SLC22A16: variants seen among roughly 807,000 people sequenced by gnomAD.
The protein encoded by SLC22A16 is WUGSC:RG331P03.1.
A neutral mutation model predicts 52.9 loss-of-function variants in SLC22A16; 53 were observed. The observed-to-expected ratio is 1.00, with a 90% CI of 0.80 to 1.26. The LOEUF (loss-of-function observed/expected upper bound fraction) is 1.26, where lower values mean the gene tolerates loss of function less well. Among genes scored for constraint, SLC22A16 ranks in the 50% most tolerant of loss-of-function variants. The probability of loss-of-function intolerance (pLI) is 0.00; values close to 1 mark genes in which losing one functional copy is unlikely to be tolerated. For missense variants in SLC22A16, 726 were observed against 704.0 expected, an observed-to-expected ratio of 1.03 and a Z score of -0.35; for synonymous variants, 291 against 268.8, an observed-to-expected ratio of 1.08 and a Z score of -0.81.
chr6:110,476,346 G>A (rs1195149811), intron 1 of SLC22A16, 176 bp downstream of exon 1: 1 of 1,386,174 alleles, frequency 7.2e-7, no homozygotes, highest in South Asian at 1.7e-5. Flanking sequence ...GAGGCCTAGA[G>A]GAGAAGCCCA....
intron 1 of SLC22A16, among the ~76,000 whole-genome samples, chr6:110,473,772 G>A (rs1336939042): frequency 6.6e-6 from 1 of 151,790 alleles, no homozygotes; most frequent in Non-Finnish European, 1.5e-5. Flanking sequence ...TGATCTGCCT[G>A]CCTCAGCCTC....
chr6:110,449,625 T>C (rs1445389017), intron 2 of SLC22A16, among the ~76,000 whole-genome samples: 3 of 152,212 alleles, frequency 2.0e-5, no homozygotes, highest in African/African-American at 7.2e-5. Flanking sequence ...TGGTATTTCC[T>C]GAATTGGTTA....
At chr6:110,444,818 A>G (rs574751135) in intron 3 of SLC22A16, among the ~76,000 whole-genome samples, 1 of 152,352 alleles carries the variant, frequency 6.6e-6, no homozygotes, top group East Asian at 1.9e-4. Context: ...CTAACAATCC[A>G]GAAGTCGCTT....
chr6:110,440,412 G>C (rs150466745), intron 4 of SLC22A16: 5,287 of 152,552 alleles, frequency 0.035, 141 homozygotes, highest in South Asian at 0.11. Flanking sequence ...AGCAAGGAGA[G>C]AAGGCAGAAA....
chr6:110,434,078 T>TA (rs1774617506), intron 6 of SLC22A16, among the ~76,000 whole-genome samples: 1 of 151,740 alleles, frequency 6.6e-6, no homozygotes, highest in Non-Finnish European at 1.5e-5. Flanking sequence ...CTGTCTCTAC[T>TA]AAAATACAAA....
At chr6:110,475,870 C>T (rs1048641182) in intron 1 of SLC22A16, 2 of 455,318 alleles carry the variant, frequency 4.4e-6, no homozygotes, top group African/African-American at 4.0e-5. Context: ...CGTGGTTCCA[C>T]CATGCGTTGG....
chr6:110,441,227 C>T (rs748353791), intron 4 of SLC22A16, among the ~76,000 whole-genome samples: 2 of 152,184 alleles, frequency 1.3e-5, no homozygotes, highest in Non-Finnish European at 2.9e-5. Context: ...GAAGCAATAG[C>T]CAATACCATA....
chr6:110,430,886 C>T (rs973227054), intron 7 of SLC22A16, among the ~76,000 whole-genome samples: 1 of 152,224 alleles, frequency 6.6e-6, no homozygotes, highest in Non-Finnish European at 1.5e-5. Context: ...AGAGCTCTCC[C>T]TTCCCCAGGC....
At chr6:110,442,876 C>A in intron 3 of SLC22A16, 101 bp from the exon 4 acceptor site, 1 of 1,057,202 alleles carries the variant, frequency 9.5e-7, no homozygotes, top group Non-Finnish European at 1.4e-6. Context: ...AAGAAAATGA[C>A]AAAGACTTGC....
chr6:110,433,463 T>C (rs1182250925), intron 6 of SLC22A16, among the ~76,000 whole-genome samples: 1 of 152,192 alleles, frequency 6.6e-6, no homozygotes, highest in East Asian at 1.9e-4. Context: ...TCTTGACTAA[T>C]GGATTTTCTA....
chr6:110,471,328 T>C (rs981701438), intron 1 of SLC22A16, among the ~76,000 whole-genome samples: 47 of 152,134 alleles, frequency 3.1e-4, no homozygotes, highest in Non-Finnish European at 3.2e-4. Context: ...CATCTAGGCT[T>C]GTGTAAATAA....
intron 2 of SLC22A16, among the ~76,000 whole-genome samples, chr6:110,447,233 C>T (rs998729308): frequency 1.3e-5 from 2 of 152,062 alleles, no homozygotes; most frequent in Non-Finnish European, 2.9e-5. Flanking sequence ...CTGAGTCATC[C>T]CCGCAGGACC....
intron 1 of SLC22A16, among the ~76,000 whole-genome samples, chr6:110,473,254 T>C (rs13218616): frequency 1.1e-3 from 172 of 152,202 alleles, no homozygotes; most frequent in African/African-American, 4.0e-3. Flanking sequence ...TATCCATTGA[T>C]GAAGGTCTGC....
At chr6:110,466,922 TA>T (rs1453824413) in intron 1 of SLC22A16, among the ~76,000 whole-genome samples, 1 of 141,216 alleles carries the variant, frequency 7.1e-6, no homozygotes, top group African/African-American at 2.9e-5. Context: ...GATAGATAGA[TA>T]GATAGATAGA....
At chr6:110,452,181 G>A (rs534543247) in intron 2 of SLC22A16, among the ~76,000 whole-genome samples, 21 of 152,130 alleles carry the variant, frequency 1.4e-4, no homozygotes, top group Non-Finnish European at 2.8e-4. Context: ...TCTCCACAGA[G>A]GGCCTTCTTC....
At chr6:110,432,276 C>T (rs1774535902) in intron 6 of SLC22A16, among the ~76,000 whole-genome samples, 2 of 152,076 alleles carry the variant, frequency 1.3e-5, no homozygotes, top group South Asian at 2.1e-4. Context: ...TTAAAGATTT[C>T]CTGTATTAAA....
At chr6:110,427,269 A>AG (rs57084143) in intron 7 of SLC22A16, among the ~76,000 whole-genome samples, 40 of 145,404 alleles carry the variant, frequency 2.8e-4, no homozygotes, top group African/African-American at 7.0e-4. Flanking sequence ...AAAAAAGAAA[A>AG]AAAAGAAAGA....
intron 5 of SLC22A16, among the ~76,000 whole-genome samples, chr6:110,437,416 T>C (rs1774778209): frequency 6.6e-6 from 1 of 152,202 alleles, no homozygotes; most frequent in African/African-American, 2.4e-5. Context: ...AAGGTGTGGA[T>C]GAAGTTCTCT....
intron 1 of SLC22A16, among the ~76,000 whole-genome samples, chr6:110,459,746 T>C (rs1055556450): frequency 6.6e-6 from 1 of 152,200 alleles, no homozygotes; most frequent in Admixed American, 6.5e-5. Context: ...GGGGACTCTG[T>C]ACTATCTGTG....
Sources: gnomAD v4.1 joint callset for allele counts (sites outside exome capture counted in the v4.1 genomes callset) on GRCh38, gnomAD v4.1.1 for gene constraint, MANE v1.5 for transcripts, NCBI Gene and HGNC (gene_info 2026-07-23, HGNC 2026-07-21) for gene names.